Variants in MARK3 observed in about 807,000 individuals in gnomAD.
MARK3 encodes microtubule affinity regulating kinase 3.
In MARK3, 46 loss-of-function variants were observed where a neutral mutation model predicts 90.1. That is an observed-to-expected ratio of 0.51 (90% CI 0.40 to 0.65). The LOEUF (loss-of-function observed/expected upper bound fraction) is 0.65, where lower values mean the gene tolerates loss of function less well. MARK3 is among the 30% of genes least tolerant of loss of function. The pLI, the probability that MARK3 is intolerant of heterozygous loss-of-function variation, is 0.00. For synonymous variants in MARK3, 321 were observed against 332.6 expected (o/e 0.97, Z 0.38); for missense variants, 818 against 947.2 (o/e 0.86, Z 1.79).
intron 1 of MARK3, among the ~76,000 whole-genome samples, chr14:103,403,747 TTTA>T (rs1298104253): frequency 6.6e-6 from 1 of 152,216 alleles, no homozygotes; most frequent in Non-Finnish European, 1.5e-5. Context: ...GTGTCAAAGC[TTTA>T]TTATCATTTT....
chr14:103,432,649 G>T (rs922931777), intron 3 of MARK3, among the ~76,000 whole-genome samples: 1 of 152,046 alleles, frequency 6.6e-6, no homozygotes, highest in Admixed American at 6.6e-5. Context: ...TCAGGAATTC[G>T]AGATCAGCCT....
Position 103,467,202 on chromosome 14 carries a change from T to C in MARK3, c.1110+11T>C. 1 of 1,373,136 alleles carries C rather than the reference T, an allele frequency of 7.3e-7. No individual in the cohort carries two copies. Among genetic ancestry groups the C allele is most frequent in the Non-Finnish European group, 1.0e-6 (1 of 975,458 alleles). The allele number at this position is 1,373,136 out of a possible 1,614,324, so 85.1% of individuals were successfully genotyped here. On this transcript the variant is annotated intron_variant, in intron 11 of 17. Coordinates refer to ENST00000429436, the MANE Select transcript of MARK3 (RefSeq NM_001128918.3). ...AGAAAATCTTCAGAGGTAAGAGTAA[T>C]CAGAAAGAGCTGAAATACCCTGTAT...
chr14:103,409,669 A>G (rs2091521731), intron 2 of MARK3, among the ~76,000 whole-genome samples: 1 of 152,168 alleles, frequency 6.6e-6, no homozygotes, highest in East Asian at 1.9e-4. Flanking sequence ...ATTAACTTTT[A>G]AAAAATTTTA....
chr14:103,403,568 G>C (rs1052914584), intron 1 of MARK3, among the ~76,000 whole-genome samples: 1 of 152,056 alleles, frequency 6.6e-6, no homozygotes, highest in Non-Finnish European at 1.5e-5. Flanking sequence ...TCCTGTTACT[G>C]TTTTCATGAA....
intron 3 of MARK3, among the ~76,000 whole-genome samples, chr14:103,442,062 A>T (rs1462517628): frequency 6.6e-6 from 1 of 152,066 alleles, no homozygotes; most frequent in African/African-American, 2.4e-5. Context: ...GAAAAGGTAC[A>T]TATCTTAATA....
chr14:103,436,047 C>T (rs1477706741), intron 3 of MARK3, among the ~76,000 whole-genome samples: 1 of 152,048 alleles, frequency 6.6e-6, no homozygotes, highest in Non-Finnish European at 1.5e-5. Flanking sequence ...CCCGCTGCCA[C>T]ACCCAGCTAA....
In MARK3 at chr14:103,467,157, C is replaced by A; in HGVS notation, c.1076C>A (p.Ala359Asp). Residue 359 changes from alanine to aspartate, a missense_variant, in exon 11 of 18, where the codon GCT becomes GAT. By Grantham distance (126) the Ala-to-Asp change is moderately radical. Around this residue, in one of 3 missense-constraint regions of MARK3, gnomAD observed 560 missense variants for 613.5 expected, o/e 0.91. Coordinates refer to ENST00000429436, the MANE Select transcript of MARK3 (RefSeq NM_001128918.3). ...LSKMKYDEIT[A>D]TYLLLGRKSS... is the part of the protein sequence containing the mutation. ...AAGATGAAATACGATGAAATCACAG[C>A]TACATATTTGTTATTGGGGAGAAAA... 6.3e-7 allele frequency: 1 copy of A among 1,599,312 alleles called. No individual in the cohort carries two copies. Among genetic ancestry groups the A allele is most frequent in the Non-Finnish European group, 8.5e-7 (1 of 1,169,658 alleles).
At chr14:103,452,446 A>G (rs1343453865) in intron 5 of MARK3, among the ~76,000 whole-genome samples, 2 of 147,812 alleles carry the variant, frequency 1.4e-5, no homozygotes, top group African/African-American at 4.9e-5. Context: ...GGAACCTCAT[A>G]CAAGTGGAAT....
At position 103,503,372 on chromosome 14, in the gene MARK3, C is replaced by T. The variant is rs1325008028; in HGVS notation, c.*145C>T. ...CTGAGGACGAGAGCACGCCTGGGAG[C>T]GAAAGCTGGCCTTTTTTCTACGAAT... On this transcript the variant is annotated 3_prime_UTR_variant, in exon 18 of 18. Transcript: ENST00000429436. 14 of 756,182 alleles carry T rather than the reference C, an allele frequency of 1.9e-5. No individual in the cohort carries two copies. Among genetic ancestry groups the T allele is most frequent in the Admixed American group, 3.0e-5 (1 of 32,834 alleles). The allele number at this position is 756,182 out of a possible 1,614,324, so 46.8% of individuals were successfully genotyped here.
intron 13 of MARK3, 21 bp downstream of exon 13, chr14:103,475,231 G>T (rs755141786): frequency 3.5e-5 from 56 of 1,608,578 alleles, no homozygotes; most frequent in African/African-American, 5.3e-5. Context: ...TTGAACTATA[G>T]AGTGGTCTTA....
intron 14 of MARK3, among the ~76,000 whole-genome samples, chr14:103,481,378 C>G (rs915562309): frequency 6.6e-6 from 1 of 151,998 alleles, no homozygotes; most frequent in African/African-American, 2.4e-5. Context: ...TCTGCAGTTA[C>G]GGTGTGAGGT....
intron 1 of MARK3, among the ~76,000 whole-genome samples, chr14:103,392,600 A>G (rs561097825): frequency 9.1e-4 from 139 of 152,244 alleles, no homozygotes; most frequent in African/African-American, 3.2e-3. Context: ...CTCCTTTTAG[A>G]TTGTACTGTG....
At chr14:103,438,570 A>G (rs963514889) in intron 3 of MARK3, among the ~76,000 whole-genome samples, 4 of 152,240 alleles carry the variant, frequency 2.6e-5, no homozygotes, top group Admixed American at 6.5e-5. Flanking sequence ...TTTTGTTAGT[A>G]CCAAATTCAT....
intron 2 of MARK3, among the ~76,000 whole-genome samples, chr14:103,408,900 G>A (rs2091465665): frequency 6.6e-6 from 1 of 152,202 alleles, no homozygotes; most frequent in South Asian, 2.1e-4. Flanking sequence ...AACAGCTTGT[G>A]TGGGCGGAGC....
intron 3 of MARK3, among the ~76,000 whole-genome samples, chr14:103,436,413 T>C (rs889678245): frequency 6.6e-6 from 1 of 151,484 alleles, no homozygotes; most frequent in Non-Finnish European, 1.5e-5. Flanking sequence ...TTCTTTCTTT[T>C]TTTTTTTTTT....
At chr14:103,388,922 T>G (rs957565455) in intron 1 of MARK3, among the ~76,000 whole-genome samples, 3 of 152,338 alleles carry the variant, frequency 2.0e-5, no homozygotes, top group East Asian at 3.9e-4. Flanking sequence ...CACTCACCAG[T>G]GATGGACATT....
At chr14:103,482,053 A>G (rs1259845894) in intron 14 of MARK3, among the ~76,000 whole-genome samples, 2 of 151,408 alleles carry the variant, frequency 1.3e-5, no homozygotes, top group Non-Finnish European at 2.9e-5. Context: ...GGCGTGAGCC[A>G]CCGTACCCAG....
chr14:103,385,804 TCTC>T lies in MARK3; in HGVS notation c.-222_-220del, dbSNP rs1162689886. ...GGCTCCGCCACTGCCGCCCTCCCGG[TCTC>T]CTCGCCTCGGCCGCCGAGGCAGGGA... On this transcript the variant is annotated 5_prime_UTR_variant, in exon 1 of 18. Transcript: ENST00000429436. The T allele has an allele frequency of 4.7e-6, 2 of 421,976 alleles. No homozygotes were observed. The highest frequency in any genetic ancestry group is 8.3e-6 in the Non-Finnish European group (2 of 240,082). The allele number at this position is 421,976 out of a possible 1,614,324, so 26.1% of individuals were successfully genotyped here.
At chr14:103,438,533 G>A (rs1159147346) in intron 3 of MARK3, among the ~76,000 whole-genome samples, 1 of 152,192 alleles carries the variant, frequency 6.6e-6, no homozygotes, top group African/African-American at 2.4e-5. Context: ...GCATGTGGTA[G>A]ATACCTAGTA....
Sources: gnomAD v4.1 joint callset for allele counts (sites outside exome capture counted in the v4.1 genomes callset) on GRCh38, gnomAD v4.1.1 for gene constraint, gnomAD v4.1.1 regional missense constraint, MANE v1.5 for transcripts, NCBI Gene and HGNC (gene_info 2026-07-23, HGNC 2026-07-21) for gene names.